ZFPM2: variants seen among roughly 807,000 people sequenced by gnomAD.
ZFPM2 encodes zinc finger protein, FOG family member 2, also known as zinc finger protein ZFPM2.
In ZFPM2, 20 loss-of-function variants were observed where a neutral mutation model predicts 98.6. The observed-to-expected ratio is 0.20, with a 90% confidence interval of 0.14 to 0.29. The LOEUF (loss-of-function observed/expected upper bound fraction) is 0.29. Among genes scored for constraint, ZFPM2 ranks in the 10% least tolerant of loss-of-function variants. ZFPM2 has a pLI of 1.00. For synonymous variants in ZFPM2, 518 were observed against 502.7 expected (o/e 1.03, Z -0.41); for missense variants, 1,310 against 1,388.6 (o/e 0.94, Z 0.90).
chr8:105,424,228 TA>T (rs765322350), intron 2 of ZFPM2, among the ~76,000 whole-genome samples: 4 of 152,126 alleles, frequency 2.6e-5, no homozygotes, highest in Non-Finnish European at 5.9e-5. Context: ...CTAGAAAAGT[TA>T]AAAAGCGTCC....
intron 3 of ZFPM2, among the ~76,000 whole-genome samples, chr8:105,460,307 C>T (rs1812680750): frequency 6.6e-6 from 1 of 152,146 alleles, no homozygotes; most frequent in Admixed American, 6.6e-5. Flanking sequence ...AAGAAGGTCT[C>T]AAAAGGAAGA....
At position 105,377,076 on chromosome 8, in the gene ZFPM2, T is replaced by C. The variant is rs182405703; in HGVS notation, c.41-42068T>C. Among the ~76,000 whole-genome samples, 239 of 152,262 alleles carry C rather than the reference T, an allele frequency of 1.6e-3. 3 individuals are homozygous for C. In the East Asian group the frequency reaches 0.039, roughly 25 times the overall value. ...GCCATGTTTATTCCCACTGTTCCCA[T>C]TGTAGGGCTGTTCACCCTGTCTTGA... is the stretch of plus-strand genomic sequence containing the variant. On this transcript the variant is annotated intron_variant, in intron 1 of 7. Coordinates refer to ENST00000407775, the MANE Select transcript of ZFPM2 (RefSeq NM_012082.4).
At chr8:105,366,882 A>G in intron 1 of ZFPM2, among the ~76,000 whole-genome samples, 1 of 149,492 alleles carries the variant, frequency 6.7e-6, no homozygotes, top group East Asian at 2.0e-4. Flanking sequence ...TCTTTAATCC[A>G]TCTTGAATTG....
In ZFPM2 at chr8:105,793,454, C is replaced by T. The variant is rs190736493; in HGVS notation, c.739+4530C>T. On this transcript the variant is annotated intron_variant, in intron 6 of 7. Transcript: ENST00000407775. ...CTTGTAGAGTTTCTGCCGAGAGATC[C>T]GCTGTTAGTCTGATGGGCTTCCCTT... Among the ~76,000 whole-genome samples, 32 of 152,244 alleles carry T rather than the reference C, an allele frequency of 2.1e-4. 1 individual carries two copies. Among genetic ancestry groups the T allele is most frequent in the East Asian group, 1.2e-3 (6 of 5,172 alleles).
chr8:105,695,041 C>T (rs184891791), intron 5 of ZFPM2, among the ~76,000 whole-genome samples: 1 of 152,248 alleles, frequency 6.6e-6, no homozygotes, highest in Non-Finnish European at 1.5e-5. Context: ...AGGAACCATC[C>T]TCAGTAGAAT....
At chr8:105,602,126 T>C (rs1480509226) in intron 4 of ZFPM2, among the ~76,000 whole-genome samples, 2 of 152,040 alleles carry the variant, frequency 1.3e-5, no homozygotes, top group East Asian at 1.9e-4. Flanking sequence ...GATTCTGTCA[T>C]TGAAAACCCT....
intron 6 of ZFPM2, chr8:105,798,127 A>G (rs1408519725): frequency 1.3e-5 from 2 of 152,236 alleles, no homozygotes; most frequent in African/African-American, 4.8e-5. Flanking sequence ...CTATAAATGA[A>G]TATTTTTTCT....
chr8:105,642,220 A>G (rs1586168795), intron 5 of ZFPM2, among the ~76,000 whole-genome samples: 1 of 152,126 alleles, frequency 6.6e-6, no homozygotes, highest in Non-Finnish European at 1.5e-5. Flanking sequence ...TTATTATAAG[A>G]TAAATCTAGG....
At chr8:105,548,188 G>A (rs1023628299) in intron 3 of ZFPM2, among the ~76,000 whole-genome samples, 3 of 151,928 alleles carry the variant, frequency 2.0e-5, no homozygotes, top group African/African-American at 7.3e-5. Context: ...ACACTGAGAG[G>A]ACATGATAAA....
At chr8:105,770,571 G>T (rs931070285) in intron 5 of ZFPM2, among the ~76,000 whole-genome samples, 1 of 151,960 alleles carries the variant, frequency 6.6e-6, no homozygotes, top group Non-Finnish European at 1.5e-5. Flanking sequence ...AAACAATATT[G>T]CACAATAATT....
chr8:105,606,819 T>C (rs1816206363), intron 4 of ZFPM2, among the ~76,000 whole-genome samples: 1 of 152,116 alleles, frequency 6.6e-6, no homozygotes, highest in African/African-American at 2.4e-5. Context: ...AGAAACAACA[T>C]AGCTGATCAC....
chr8:105,597,225 T>A (rs1184043479), intron 4 of ZFPM2, among the ~76,000 whole-genome samples: 1 of 152,118 alleles, frequency 6.6e-6, no homozygotes, highest in Non-Finnish European at 1.5e-5. Flanking sequence ...AATCTTTGAA[T>A]TGGCAGGAGT....
chr8:105,539,771 C>A (rs540358198), intron 3 of ZFPM2, among the ~76,000 whole-genome samples: 67 of 152,222 alleles, frequency 4.4e-4, no homozygotes, highest in African/African-American at 1.6e-3. Context: ...ACAGTCAGAT[C>A]ATGGAAGACT....
At chr8:105,634,427 A>G in intron 5 of ZFPM2, 70 bp downstream of exon 5, 1 of 1,214,840 alleles carries the variant, frequency 8.2e-7, no homozygotes. Context: ...CAGCACCAGA[A>G]GAGCTGGAAT....
chr8:105,723,632 C>A (rs1811726626), intron 5 of ZFPM2, among the ~76,000 whole-genome samples: 1 of 151,734 alleles, frequency 6.6e-6, no homozygotes, highest in Admixed American at 6.6e-5. Flanking sequence ...ATTGTCGAGG[C>A]CTTCTTGTTG....
In ZFPM2 at chr8:105,318,845, A is replaced by AGCGGCAGCG. The variant is rs1554593911; in HGVS notation, c.-92_-91insAGCGGCGGC. 3.1e-6 allele frequency: 1 copy of AGCGGCAGCG among 320,932 alleles called. No homozygotes were observed. The highest frequency in any genetic ancestry group is 2.7e-4 in the East Asian group (1 of 3,692). 19.9% of individuals were successfully genotyped at this position (320,932 alleles called of 1,614,324 possible). A position where few individuals can be genotyped will look rare whatever the true frequency, so the allele number is the denominator to read the frequency against. On this transcript the variant is annotated 5_prime_UTR_variant, in exon 1 of 8. Coordinates refer to ENST00000407775, the MANE Select transcript of ZFPM2 (RefSeq NM_012082.4). ...GGCCGGCGGCGGGCCGAGCCTGGCC[A>AGCGGCAGCG]GCGGCGGCGGCGGCGGCGGCGGCGG...
chr8:105,402,720 T>TA (rs201724621), intron 1 of ZFPM2, among the ~76,000 whole-genome samples: 1 of 151,924 alleles, frequency 6.6e-6, no homozygotes, highest in East Asian at 1.9e-4. Context: ...TTGACATTTA[T>TA]AAAAAAAATC....
intron 2 of ZFPM2, among the ~76,000 whole-genome samples, chr8:105,426,150 G>A (rs947550410): frequency 6.6e-6 from 1 of 152,040 alleles, no homozygotes; most frequent in Non-Finnish European, 1.5e-5. Context: ...ATAAGGAAGG[G>A]GACCTTTACA....
chr8:105,330,569 CATATATATAT>C (rs56134125), intron 1 of ZFPM2, among the ~76,000 whole-genome samples: 1,133 of 52,578 alleles, frequency 0.022, 24 homozygotes, highest in African/African-American at 0.041. Flanking sequence ...TATATATATA[CATATATATAT>C]ACATATATAT....
Sources: gnomAD v4.1 joint callset for allele counts (sites outside exome capture counted in the v4.1 genomes callset) on GRCh38, gnomAD v4.1.1 for gene constraint, MANE v1.5 for transcripts, NCBI Gene and HGNC (gene_info 2026-07-23, HGNC 2026-07-21) for gene names.